ADGRG6: variants seen among roughly 807,000 people sequenced by gnomAD.
ADGRG6 encodes G-protein coupled receptor 126.
ADGRG6 carries 84 observed loss-of-function variants against 142.4 expected under a neutral mutation model. That is an observed-to-expected ratio of 0.59 (90% CI 0.49 to 0.71). The LOEUF is 0.71. ADGRG6 is among the 30% of genes least tolerant of loss of function. The pLI, the probability that ADGRG6 is intolerant of heterozygous loss-of-function variation, is 0.00. For missense variants in ADGRG6, 1,367 were observed against 1,466.6 expected (o/e 0.93, Z 1.11); for synonymous variants, 521 against 520.5 (o/e 1.00, Z -0.01).
At chr6:142,429,684 T>C (rs753733087) in intron 22 of ADGRG6, among the ~76,000 whole-genome samples, 3 of 152,142 alleles carry the variant, frequency 2.0e-5, no homozygotes, top group Non-Finnish European at 4.4e-5. Context: ...CAAAAATCAG[T>C]GGTACCTAGA....
At chr6:142,331,748 G>T (rs780130143) in intron 2 of ADGRG6, among the ~76,000 whole-genome samples, 2 of 151,922 alleles carry the variant, frequency 1.3e-5, no homozygotes, top group Non-Finnish European at 2.9e-5. Context: ...TTTGTTTAGT[G>T]TATTTGTGAC....
chr6:142,380,886 G>A (rs1781739676), intron 4 of ADGRG6, among the ~76,000 whole-genome samples: 1 of 152,182 alleles, frequency 6.6e-6, no homozygotes, highest in Non-Finnish European at 1.5e-5. Context: ...ACATAATGTA[G>A]GCAATAGGTA....
chr6:142,341,420 AT>A (rs1190563487), intron 2 of ADGRG6, among the ~76,000 whole-genome samples: 9 of 121,046 alleles, frequency 7.4e-5, no homozygotes, highest in African/African-American at 2.5e-4. Context: ...ATATAATATA[AT>A]TATATAATAT....
chr6:142,365,912 A>T (rs184188013), intron 2 of ADGRG6, among the ~76,000 whole-genome samples: 1 of 152,352 alleles, frequency 6.6e-6, no homozygotes, highest in African/African-American at 2.4e-5. Context: ...CATTCTAGTC[A>T]ACTCAGTAAA....
chr6:142,427,152 T>G (rs970433215), intron 22 of ADGRG6, among the ~76,000 whole-genome samples: 5 of 152,218 alleles, frequency 3.3e-5, no homozygotes, highest in African/African-American at 1.2e-4. Context: ...TGGCATTATC[T>G]TTTATATACC....
At chr6:142,387,946 T>C (rs1216544087) in intron 6 of ADGRG6, among the ~76,000 whole-genome samples, 1 of 152,212 alleles carries the variant, frequency 6.6e-6, no homozygotes, top group Non-Finnish European at 1.5e-5. Flanking sequence ...CATACATATT[T>C]TGAAGTCTCT....
intron 4 of ADGRG6, 36 bp downstream of exon 4, chr6:142,370,829 T>C (rs759837625): frequency 6.5e-7 from 1 of 1,549,138 alleles, no homozygotes; most frequent in Non-Finnish European, 8.9e-7. Flanking sequence ...TTTTTTTTTT[T>C]TAGCATTATT....
chr6:142,337,120 T>A (rs1779355290), intron 2 of ADGRG6, among the ~76,000 whole-genome samples: 1 of 152,214 alleles, frequency 6.6e-6, no homozygotes, highest in African/African-American at 2.4e-5. Context: ...CATCTAATTT[T>A]TACCTTTAAA....
At chr6:142,348,629 T>C (rs75798723) in intron 2 of ADGRG6, among the ~76,000 whole-genome samples, 1 of 136,862 alleles carries the variant, frequency 7.3e-6, no homozygotes, top group Non-Finnish European at 1.5e-5. Context: ...TGAGGGGTGG[T>C]TTTTTTTTTT....
At chr6:142,404,622 C>T (rs528829181) in intron 14 of ADGRG6, among the ~76,000 whole-genome samples, 52 of 151,920 alleles carry the variant, frequency 3.4e-4, no homozygotes, top group African/African-American at 1.0e-3. Flanking sequence ...CCAGCCTGGG[C>T]GACAGAGCAA....
intron 2 of ADGRG6, among the ~76,000 whole-genome samples, chr6:142,356,446 C>T (rs766302332): frequency 8.5e-5 from 13 of 152,306 alleles, no homozygotes; most frequent in East Asian, 3.9e-4. Flanking sequence ...TATTGGCTGT[C>T]CCTTAGGGAC....
At chr6:142,429,454 G>C (rs1406667168) in intron 22 of ADGRG6, among the ~76,000 whole-genome samples, 1 of 152,112 alleles carries the variant, frequency 6.6e-6, no homozygotes, top group Non-Finnish European at 1.5e-5. Flanking sequence ...CTCACTCTTT[G>C]GCAGGGCATT....
intron 2 of ADGRG6, among the ~76,000 whole-genome samples, chr6:142,339,977 T>A (rs9389986): frequency 0.46 from 70,127 of 152,012 alleles, 20,967 homozygotes; most frequent in African/African-American, 0.86. Flanking sequence ...GCTGATAAAC[T>A]GGCAAAAAAG....
At chr6:142,397,073 C>CA (rs1775235708) in intron 9 of ADGRG6, among the ~76,000 whole-genome samples, 1 of 151,880 alleles carries the variant, frequency 6.6e-6, no homozygotes, top group Non-Finnish European at 1.5e-5. Context: ...AAAGTATTTG[C>CA]AAATGCCTCA....
At chr6:142,332,645 A>G (rs1488769619) in intron 2 of ADGRG6, among the ~76,000 whole-genome samples, 1 of 152,206 alleles carries the variant, frequency 6.6e-6, no homozygotes, top group Non-Finnish European at 1.5e-5. Flanking sequence ...ATGTGGACAT[A>G]AAACATTATT....
chr6:142,343,804 G>T (rs1319633427), intron 2 of ADGRG6, among the ~76,000 whole-genome samples: 12 of 151,836 alleles, frequency 7.9e-5, no homozygotes, highest in Non-Finnish European at 2.9e-5. Context: ...GTACAAAAAA[G>T]TCAAGTGTGT....
chr6:142,339,965 C>T (rs908632073), intron 2 of ADGRG6, among the ~76,000 whole-genome samples: 6 of 151,962 alleles, frequency 3.9e-5, no homozygotes, highest in African/African-American at 7.3e-5. Flanking sequence ...GAAATTTTGG[C>T]GGCTGATAAA....
Position 142,367,788 on chromosome 6 carries a change from C to T in ADGRG6, c.323C>T (p.Thr108Ile). ...SLSLDNGESQ[T>I]KFCGATAKGL... ...TCCCTTGATAATGGAGAGAGCCAGA[C>T]TAAATTTTGTGGAGCAACTGCCAAA... is the stretch of plus-strand genomic sequence containing the variant. Residue 108 changes from threonine to isoleucine, a missense_variant, in exon 3 of 25, where the codon ACT (threonine) becomes ATT (isoleucine). Coordinates refer to ENST00000367609, the MANE Select transcript of ADGRG6 (RefSeq NM_198569.3). 1 of 1,613,670 alleles carries T rather than the reference C, an allele frequency of 6.2e-7. No individual in the cohort carries two copies. The highest frequency in any genetic ancestry group is 8.5e-7 in the Non-Finnish European group (1 of 1,179,630).
intron 2 of ADGRG6, among the ~76,000 whole-genome samples, chr6:142,360,246 G>A (rs1209495635): frequency 6.6e-6 from 1 of 152,148 alleles, no homozygotes; most frequent in Non-Finnish European, 1.5e-5. Context: ...TGGCTCTATG[G>A]GATATCCAAG....
Sources: allele counts gnomAD v4.1 joint callset (sites outside exome capture counted in the v4.1 genomes callset), GRCh38; gene constraint gnomAD v4.1.1; transcripts MANE v1.5; gene names NCBI Gene and HGNC (gene_info 2026-07-23, HGNC 2026-07-21).